Variants in SDR42E2 observed in about 807,000 individuals in gnomAD.
SDR42E2 encodes the protein putative short-chain dehydrogenase/reductase family 42E member 2.
In SDR42E2, 20 loss-of-function variants were observed where a neutral mutation model predicts 10.5. The observed-to-expected ratio is 1.90, with a 90% CI of 1.34 to 2.77. The LOEUF (loss-of-function observed/expected upper bound fraction) is 2.77, where lower values mean the gene tolerates loss of function less well. SDR42E2 is among the 30% of genes most tolerant of loss of function. The pLI is 0.00. For synonymous variants in SDR42E2, 72 were observed against 39.2 expected, an observed-to-expected ratio of 1.84 and a Z score of -3.12; for missense variants, 162 against 104.2, an observed-to-expected ratio of 1.55 and a Z score of -2.42.
chr16:22,163,379 C>G (rs2046511548), intron 1 of SDR42E2, among the ~76,000 whole-genome samples: 1 of 152,132 alleles, frequency 6.6e-6, no homozygotes, highest in Non-Finnish European at 1.5e-5. Flanking sequence ...GATTTAGGCC[C>G]CTGCTCATGA....
chr16:22,181,856 A>G (rs1417356185), intron 9 of SDR42E2, among the ~76,000 whole-genome samples, 200 bp downstream of exon 9: 1 of 152,144 alleles, frequency 6.6e-6, no homozygotes, highest in African/African-American at 2.4e-5. Flanking sequence ...GCTCTTCTCT[A>G]TGGCCATGTG....
At chr16:22,188,354 G>A (rs1362237731) in intron 12 of SDR42E2, among the ~76,000 whole-genome samples, 1 of 152,146 alleles carries the variant, frequency 6.6e-6, no homozygotes, top group African/African-American at 2.4e-5. Flanking sequence ...CTTCTCCTTT[G>A]AGCCATCCGG....
intron 1 of SDR42E2, 83 bp from the exon 2 acceptor site, chr16:22,165,464 T>C (rs2046526946): frequency 2.5e-6 from 1 of 397,144 alleles, no homozygotes; most frequent in Non-Finnish European, 4.5e-6. Flanking sequence ...CCACCTGGAG[T>C]TCCCCTCAGT....
Position 22,163,903 on chromosome 16 carries a change from G to C in SDR42E2, c.-37+1339G>C, listed in dbSNP as rs192542939. On this transcript the variant is annotated intron_variant, in intron 1 of 12. Transcript: ENST00000602312. ...CAGTCCAGTCACTCAACAAATACCCGTTCTTTCATGCAGCCAGTATATGCC... is the reference window on the plus strand; with the variant it reads ...CAGTCCAGTCACTCAACAAATACCCCTTCTTTCATGCAGCCAGTATATGCC... 2.6e-5 allele frequency among the ~76,000 whole-genome samples: 4 copies of C among 152,204 alleles called. No homozygotes were observed. The East Asian group carries it at 5.8e-4, about 22-fold the overall frequency.
chr16:22,183,741 A>C (rs1179257281), intron 10 of SDR42E2, among the ~76,000 whole-genome samples: 1 of 152,144 alleles, frequency 6.6e-6, no homozygotes, highest in African/African-American at 2.4e-5. Flanking sequence ...AATGCCTTAG[A>C]GTGTCTCTAG....
chr16:22,166,113 G>A (rs1222877852), intron 2 of SDR42E2, 137 bp from the exon 3 acceptor site: 7 of 468,690 alleles, frequency 1.5e-5, no homozygotes, highest in African/African-American at 4.4e-5. Flanking sequence ...GAGCTGGATC[G>A]GTACCTGGGC....
chr16:22,164,137 G>A (rs911518419), intron 1 of SDR42E2, among the ~76,000 whole-genome samples: 3 of 152,070 alleles, frequency 2.0e-5, no homozygotes, highest in African/African-American at 7.2e-5. Flanking sequence ...CTAGACTGAG[G>A]GCTGGGCACA....
At chr16:22,182,912 G>T (rs1291359528) in intron 10 of SDR42E2, among the ~76,000 whole-genome samples, 1 of 152,054 alleles carries the variant, frequency 6.6e-6, no homozygotes, top group Non-Finnish European at 1.5e-5. Flanking sequence ...AGCTGAGGCG[G>T]GAGGATCTCT....
At chr16:22,167,069 C>T in intron 4 of SDR42E2, 70 bp downstream of exon 4, 1 of 655,876 alleles carries the variant, frequency 1.5e-6, no homozygotes, top group South Asian at 1.7e-5. Context: ...GCCCTCACAC[C>T]CATGCATTCC....
chr16:22,175,606 T>C (rs2046638688), intron 7 of SDR42E2, among the ~76,000 whole-genome samples: 1 of 150,498 alleles, frequency 6.6e-6, no homozygotes, highest in Non-Finnish European at 1.5e-5. Flanking sequence ...TGCTTGAGCC[T>C]GGGAGGTTGA....
At chr16:22,190,060 T>C in intron 12 of SDR42E2, 79 bp from the exon 13 acceptor site, 1 of 400,352 alleles carries the variant, frequency 2.5e-6, no homozygotes, top group East Asian at 3.6e-5. Flanking sequence ...CCCTCTCTTT[T>C]CCCTTTCCGT....
At chr16:22,187,958 T>A (rs1274319768) in intron 12 of SDR42E2, among the ~76,000 whole-genome samples, 2 of 151,876 alleles carry the variant, frequency 1.3e-5, no homozygotes, top group African/African-American at 2.4e-5. Context: ...TAGCTGGGTG[T>A]GGTGGCACAT....
intron 4 of SDR42E2, among the ~76,000 whole-genome samples, chr16:22,168,184 C>T (rs2046561178): frequency 6.6e-6 from 1 of 152,000 alleles, no homozygotes; most frequent in South Asian, 2.1e-4. Flanking sequence ...TGCTTGAGCC[C>T]AGGAGTTCGA....
At chr16:22,167,518 G>A in intron 4 of SDR42E2, among the ~76,000 whole-genome samples, 1 of 151,870 alleles carries the variant, frequency 6.6e-6, no homozygotes, top group East Asian at 1.9e-4. Flanking sequence ...TGTTATCTAG[G>A]GCAAGTTTAT....
intron 11 of SDR42E2, among the ~76,000 whole-genome samples, chr16:22,185,251 G>A (rs1038402594): frequency 6.6e-6 from 1 of 152,136 alleles, no homozygotes; most frequent in African/African-American, 2.4e-5. Flanking sequence ...GTCCCAAATA[G>A]CTGTGTTCCA....
At chr16:22,173,901 G>GTTTATATATATATATATATATATA (rs1294081743) in intron 7 of SDR42E2, among the ~76,000 whole-genome samples, 1 of 84,326 alleles carries the variant, frequency 1.2e-5, no homozygotes, top group Non-Finnish European at 2.2e-5. Context: ...ATATATGTGT[G>GTTTATATATATATATATATATATA]TGTGTATATA....
intron 6 of SDR42E2, 36 bp downstream of exon 6, chr16:22,170,987 G>A (rs1328798625): frequency 1.1e-5 from 8 of 702,530 alleles, no homozygotes; most frequent in East Asian, 8.1e-5. Flanking sequence ...CAGGACCCGC[G>A]GGCCCGGGAC....
intron 7 of SDR42E2, among the ~76,000 whole-genome samples, chr16:22,177,355 G>A (rs535405001): frequency 1.5e-4 from 23 of 152,210 alleles, no homozygotes; most frequent in South Asian, 1.2e-3. Flanking sequence ...GGCCGGGCGC[G>A]GTGGCTCATG....
chr16:22,178,245 G>A (rs1411172890), intron 8 of SDR42E2, 33 bp downstream of exon 8: 3 of 701,248 alleles, frequency 4.3e-6, no homozygotes, highest in East Asian at 2.7e-5. Context: ...ACCCAAGTCA[G>A]AGAAGGATCC....
Sources: allele counts gnomAD v4.1 joint callset (sites outside exome capture counted in the v4.1 genomes callset), GRCh38; gene constraint gnomAD v4.1.1; transcripts MANE v1.5; gene names NCBI Gene and HGNC (gene_info 2026-07-23, HGNC 2026-07-21).